CSPG4: variants seen among roughly 807,000 people sequenced by gnomAD.
The protein encoded by CSPG4 is chondroitin sulfate proteoglycan 4 (melanoma-associated).
In CSPG4, 74 loss-of-function variants were observed where a neutral mutation model predicts 139.3. The observed-to-expected ratio is 0.53, with a 90% CI of 0.44 to 0.64. The LOEUF is 0.64. CSPG4 is among the 30% of genes least tolerant of loss of function. The pLI is 0.00. For synonymous variants in CSPG4, 1,234 were observed against 1,394.2 expected (o/e 0.89, Z 2.56); for missense variants, 2,565 against 3,148.3 (o/e 0.81, Z 4.43).
chr15:75,697,790 G>C (rs927051105), intron 1 of CSPG4, among the ~76,000 whole-genome samples: 1 of 152,198 alleles, frequency 6.6e-6, no homozygotes, highest in Non-Finnish European at 1.5e-5. Flanking sequence ...ATCTGTATGT[G>C]GGGGAGGGAC....
In CSPG4 at chr15:75,676,992, G is replaced by A. The variant is rs1163916077; in HGVS notation, c.5527C>T (p.Leu1843Phe). Residue 1843 changes from leucine (L) to phenylalanine (F), a missense_variant, in exon 10 of 10, where the codon CTC becomes TTC. Leu to Phe is a conservative substitution (Grantham distance 22). Around this residue, in one of 5 missense-constraint regions of CSPG4, gnomAD observed 2,316 missense variants for 2,818.2 expected, o/e 0.82. Transcript: ENST00000308508. ...ATGGGGGCACGAGAGCCTCGGGTGA[G>A]CCGGAGTGGGACAGAGGCCTGTGGC... ...PQPQASVPLRLTRGSRAPISR... is the reference protein window; with the variant it reads ...PQPQASVPLRFTRGSRAPISR... The A allele has an allele frequency of 6.8e-7, 1 of 1,470,822 alleles. No homozygotes were observed. Among genetic ancestry groups the A allele is most frequent in the Non-Finnish European group, 9.0e-7 (1 of 1,105,222 alleles). The allele number at this position is 1,470,822 out of a possible 1,614,324, so 91.1% of individuals were successfully genotyped here. A position where few individuals can be genotyped will look rare whatever the true frequency, so the allele number is the denominator to read the frequency against.
At position 75,689,456 on chromosome 15, in the gene CSPG4, C is replaced by T. The variant is rs757462112; in HGVS notation, c.1609G>A (p.Gly537Ser). The change falls in exon 3 of 10, where the codon GGC (glycine) becomes AGC (serine). Residue 537 changes from glycine (G) to serine (S), a missense_variant. Gly to Ser is a moderately conservative substitution (Grantham distance 56). Around this residue, in one of 5 missense-constraint regions of CSPG4, gnomAD observed 2,316 missense variants for 2,818.2 expected, o/e 0.82. Transcript: ENST00000308508. ...RVPMPSCLRR[G>S]QTYLLPIQVN... ...TGGATGGGCAGGAGGTATGTTTGGC[C>T]CCTCCGAAGGCATGAGGGCATGGGC... 2.5e-6 allele frequency: 4 copies of T among 1,612,632 alleles called. No homozygotes were observed. Among genetic ancestry groups the T allele is most frequent in the African/African-American group, 2.7e-5 (2 of 74,880 alleles).
Position 75,685,309 on chromosome 15 carries a change from G to GC in CSPG4, c.4181dup (p.Ser1394ArgfsTer42), listed in dbSNP as rs759152664. On this transcript the variant is annotated frameshift_variant, in exon 4 of 10. Transcript: ENST00000308508. LOFTEE classifies it high-confidence loss of function. ...GCTGGGGTGGCTCCAGCACCTGCAGGCTGAGGCCCAGGAGAGTGGGGAAGT... is the reference window on the plus strand; with the variant it reads ...GCTGGGGTGGCTCCAGCACCTGCAGGCCTGAGGCCCAGGAGAGTGGGGAAGT... The GC allele has an allele frequency of 1.9e-6, 3 of 1,595,106 alleles. No homozygotes were observed. The highest frequency in any genetic ancestry group is 1.7e-6 in the Non-Finnish European group (2 of 1,168,710).
chr15:75,678,954 G>A, intron 8 of CSPG4: 1 of 358,274 alleles, frequency 2.8e-6, no homozygotes, highest in South Asian at 2.1e-5. Context: ...TCACTCTGGG[G>A]TTCCTCCTAC....
At chr15:75,695,215 ATAT>A (rs1427823819) in intron 1 of CSPG4, among the ~76,000 whole-genome samples, 1 of 152,162 alleles carries the variant, frequency 6.6e-6, no homozygotes, top group Non-Finnish European at 1.5e-5. Flanking sequence ...CACTAAAGGT[ATAT>A]GTAGACCCGC....
intron 1 of CSPG4, among the ~76,000 whole-genome samples, chr15:75,711,608 G>A (rs969173329): frequency 1.9e-4 from 29 of 152,278 alleles, no homozygotes; most frequent in African/African-American, 6.8e-4. Flanking sequence ...GGAACCATGT[G>A]ATGCCCTCTT....
intron 2 of CSPG4, among the ~76,000 whole-genome samples, chr15:75,691,957 G>A (rs1301661934): frequency 6.6e-6 from 1 of 152,072 alleles, no homozygotes; most frequent in African/African-American, 2.4e-5. Flanking sequence ...CTCTCCCCAT[G>A]GGGTGTGGAA....
At position 75,689,205 on chromosome 15, in the gene CSPG4, C is replaced by G. The variant is rs769766782; in HGVS notation, c.1860G>C (p.Glu620Asp). 1.9e-6 allele frequency: 3 copies of G among 1,608,350 alleles called. No homozygotes were observed. The South Asian group carries it at 3.3e-5, about 18-fold the overall frequency. Residue 620 changes from glutamate (E) to aspartate (D), a missense_variant, in exon 3 of 10, where the codon GAG becomes GAC. Around this residue, in one of 5 missense-constraint regions of CSPG4, gnomAD observed 2,316 missense variants for 2,818.2 expected, o/e 0.82. Coordinates refer to ENST00000308508, the MANE Select transcript of CSPG4 (RefSeq NM_001897.5). ...GEPATEFSCR[E>D]LEAGSLVYVH... ...CATAGACTAGGCTGCCGGCCTCCAACTCCCGGCAGGAGAACTCGGTCGCCG... is the reference window on the plus strand; with the variant it reads ...CATAGACTAGGCTGCCGGCCTCCAAGTCCCGGCAGGAGAACTCGGTCGCCG...
intron 5 of CSPG4, 108 bp from the exon 6 acceptor site, chr15:75,683,149 C>T (rs902882175): frequency 9.0e-6 from 10 of 1,113,680 alleles, no homozygotes; most frequent in East Asian, 5.2e-5. Context: ...CTCAGCCCCT[C>T]GGGTGGCATC....
upstream of CSPG4, chr15:75,712,909 G>T (rs1021005837): frequency 5.2e-6 from 3 of 581,472 alleles, no homozygotes; most frequent in South Asian, 6.8e-5. Context: ...AGACCCGCGC[G>T]CCCGCTCGGG....
intron 1 of CSPG4, 62 bp from the exon 2 acceptor site, chr15:75,693,295 G>T (rs1249111041): frequency 1.3e-5 from 18 of 1,344,336 alleles, no homozygotes; most frequent in Non-Finnish European, 7.1e-6. Context: ...GCGAGGTGCC[G>T]CAAAGAGGGA....
intron 1 of CSPG4, among the ~76,000 whole-genome samples, chr15:75,694,128 G>A (rs929613200): frequency 3.3e-5 from 5 of 152,262 alleles, no homozygotes; most frequent in African/African-American, 1.2e-4. Context: ...GGCTGAGGCT[G>A]AAGACAGGGC....
At chr15:75,694,687 C>T (rs750865798) in intron 1 of CSPG4, among the ~76,000 whole-genome samples, 4 of 152,216 alleles carry the variant, frequency 2.6e-5, no homozygotes, top group Non-Finnish European at 5.9e-5. Context: ...GAGTTAAATC[C>T]CCTCTAGTTA....
In CSPG4 at chr15:75,675,841, G is replaced by T; in HGVS notation, c.6678C>A (p.Ile2226=). The T allele has an allele frequency of 6.2e-7, 1 of 1,611,772 alleles. No individual in the cohort carries two copies. ...SFLEANMFSV[I]IPMCLVLLLL... ...GCAGAAGTACCAGGCACATGGGGAT[G>T]ATGACGCTGAACATGTTGGCCTCAA... The change falls in exon 10 of 10, where the codon ATC becomes ATA. Residue 2226 remains isoleucine (I), a synonymous_variant. Transcript: ENST00000308508.
intron 1 of CSPG4, among the ~76,000 whole-genome samples, chr15:75,710,183 C>T (rs1160138545): frequency 6.6e-6 from 1 of 152,210 alleles, no homozygotes; most frequent in Non-Finnish European, 1.5e-5. Context: ...ACCTGGGTCC[C>T]ACTTCAACCC....
Position 75,677,249 on chromosome 15 carries a change from C to T in CSPG4, c.5270G>A (p.Arg1757Gln), listed in dbSNP as rs774706021. 2.1e-5 allele frequency: 31 copies of T among 1,487,266 alleles called. No individual in the cohort carries two copies. The highest frequency in any genetic ancestry group is 1.8e-4 in the Middle Eastern group (1 of 5,644). The allele number at this position is 1,487,266 out of a possible 1,614,324, so 92.1% of individuals were successfully genotyped here. A position where few individuals can be genotyped will look rare whatever the true frequency, so the allele number is the denominator to read the frequency against. The stretch of plus-strand genomic sequence containing the variant: ...CTCCTCGGACACCAACAGCTGGCCC[C>T]GGCTGGGGAACTGTGTGACCTGGAA... ...VLFQVTQFPS[R>Q]GQLLVSEEPL... is the part of the protein sequence containing the mutation. Residue 1757 changes from arginine to glutamine, a missense_variant, in exon 10 of 10, where the codon CGG becomes CAG. Around this residue, in one of 5 missense-constraint regions of CSPG4, gnomAD observed 2,316 missense variants for 2,818.2 expected, o/e 0.82. Coordinates refer to ENST00000308508, the MANE Select transcript of CSPG4 (RefSeq NM_001897.5).
Position 75,690,678 on chromosome 15 carries a change from C to T in CSPG4, c.387G>A (p.Leu129=), listed in dbSNP as rs770783844. 1.9e-6 allele frequency: 3 copies of T among 1,612,818 alleles called. No homozygotes were observed. In the South Asian group the frequency reaches 3.3e-5, roughly 18 times the overall value. The stretch of plus-strand genomic sequence containing the variant: ...CTCCTGGGACTGCTGAGGAGGCGTT[C>T]AGAAACCCATCGACTGACAACGTGG... ...GWATLSVDGF[L]NASSAVPGAP... The change falls in exon 3 of 10, where the codon CTG becomes CTA. Residue 129 remains leucine (L), a synonymous_variant. Transcript: ENST00000308508.
In CSPG4 at chr15:75,712,839, T is replaced by C; in HGVS notation, c.-84A>G. The C allele has an allele frequency of 2.4e-6, 3 of 1,245,364 alleles. No individual in the cohort carries two copies. The highest frequency in any genetic ancestry group is 3.2e-6 in the Non-Finnish European group (3 of 932,202). 77.1% of individuals were successfully genotyped at this position (1,245,364 alleles called of 1,614,324 possible). ...CTGAGTGGAGCGAGCGCGGCTCTGC[T>C]CCTGGGCGCGGGCCGGCTCCGGGTG... On this transcript the variant is annotated 5_prime_UTR_variant, in exon 1 of 10. Transcript: ENST00000308508.
At chr15:75,681,934 A>G (rs1893979649) in intron 8 of CSPG4, among the ~76,000 whole-genome samples, 1 of 152,054 alleles carries the variant, frequency 6.6e-6, no homozygotes, top group South Asian at 2.1e-4. Context: ...CCCACCAAGC[A>G]CTGCCCCTCA....
Sources: allele counts gnomAD v4.1 joint callset (sites outside exome capture counted in the v4.1 genomes callset), GRCh38; gene constraint gnomAD v4.1.1; regional missense constraint gnomAD v4.1.1; transcripts MANE v1.5; gene names NCBI Gene and HGNC (gene_info 2026-07-23, HGNC 2026-07-21).